SLC71A2: variants seen among roughly 807,000 people sequenced by gnomAD.
SLC71A2 encodes solute carrier family 71 member 2.
the SLC71A2 span, among the ~76,000 whole-genome samples, chr9:94,379,103 T>TTTTTTTTTTTTTC: frequency 7.0e-6 from 1 of 142,338 alleles, no homozygotes; most frequent in Non-Finnish European, 1.5e-5. Flanking sequence ...TTTTTTTTTT[T>TTTTTTTTTTTTTC]GAGACGGAGT....
At chr9:94,421,776 G>C in the SLC71A2 span, among the ~76,000 whole-genome samples, 6 of 152,120 alleles carry the variant, frequency 3.9e-5, no homozygotes, top group South Asian at 1.0e-3. Flanking sequence ...TTTCCTTCTC[G>C]TGAACTAGAG....
the SLC71A2 span, among the ~76,000 whole-genome samples, chr9:94,425,825 T>G: frequency 3.0e-4 from 45 of 152,076 alleles, no homozygotes; most frequent in African/African-American, 1.0e-3. Context: ...TAAACTAAGT[T>G]TCTCCCAAAG....
chr9:94,390,309 A>C, the SLC71A2 span, among the ~76,000 whole-genome samples: 1 of 150,038 alleles, frequency 6.7e-6, no homozygotes, highest in African/African-American at 2.5e-5. Context: ...CTAACCCTGT[A>C]ACCAGGATCC....
chr9:94,382,647 G>C, the SLC71A2 span, among the ~76,000 whole-genome samples: 5 of 151,816 alleles, frequency 3.3e-5, no homozygotes, highest in African/African-American at 7.3e-5. Flanking sequence ...CAAATCATAG[G>C]AATTTCCTTC....
chr9:94,397,290 A>G, the SLC71A2 span, among the ~76,000 whole-genome samples: 1 of 152,198 alleles, frequency 6.6e-6, no homozygotes, highest in Non-Finnish European at 1.5e-5. Flanking sequence ...GTCAAAATTA[A>G]TGAGCCAGTG....
the SLC71A2 span, among the ~76,000 whole-genome samples, chr9:94,405,040 C>T: frequency 6.6e-6 from 1 of 152,058 alleles, no homozygotes; most frequent in Admixed American, 6.6e-5. Flanking sequence ...AGCGATCCAA[C>T]TTCATTCTTT....
chr9:94,432,278 A>G, the SLC71A2 span, among the ~76,000 whole-genome samples: 6 of 152,120 alleles, frequency 3.9e-5, no homozygotes, highest in South Asian at 1.2e-3. Flanking sequence ...AGGTGGGCTG[A>G]TCACCTGAGG....
the SLC71A2 span, among the ~76,000 whole-genome samples, chr9:94,447,722 C>T: frequency 2.6e-5 from 4 of 152,110 alleles, no homozygotes; most frequent in Non-Finnish European, 5.9e-5. Flanking sequence ...TAGTGTTGTA[C>T]ATTCTATGGG....
the SLC71A2 span, among the ~76,000 whole-genome samples, chr9:94,434,445 T>G: frequency 6.6e-6 from 1 of 152,162 alleles, no homozygotes; most frequent in Non-Finnish European, 1.5e-5. Flanking sequence ...GACTCCCAAG[T>G]AGCTGAGATT....
At chr9:94,433,983 G>C in the SLC71A2 span, among the ~76,000 whole-genome samples, 6 of 152,022 alleles carry the variant, frequency 3.9e-5, no homozygotes, top group Non-Finnish European at 8.8e-5. Context: ...AATGTATTGT[G>C]TTGCCACATA....
the SLC71A2 span, among the ~76,000 whole-genome samples, chr9:94,386,144 G>A: frequency 6.6e-6 from 1 of 152,146 alleles, no homozygotes; most frequent in Non-Finnish European, 1.5e-5. Flanking sequence ...GTAACGATTT[G>A]TAGTTTTCAG....
chr9:94,431,312 C>CAA, the SLC71A2 span, among the ~76,000 whole-genome samples: 6 of 101,274 alleles, frequency 5.9e-5, no homozygotes, highest in African/African-American at 8.8e-5. Flanking sequence ...GACTCCGTCT[C>CAA]AAAAAAAAAA....
the SLC71A2 span, among the ~76,000 whole-genome samples, chr9:94,387,200 A>G: frequency 6.6e-6 from 1 of 152,108 alleles, no homozygotes; most frequent in Non-Finnish European, 1.5e-5. Context: ...TGTATGATGT[A>G]AAAAAGTTTT....
At chr9:94,397,487 G>GA in the SLC71A2 span, among the ~76,000 whole-genome samples, 14 of 146,008 alleles carry the variant, frequency 9.6e-5, no homozygotes, top group Non-Finnish European at 1.5e-4. Context: ...AGAGTGTTTG[G>GA]AAAAAAAAAA....
At chr9:94,426,961 C>T in the SLC71A2 span, among the ~76,000 whole-genome samples, 1 of 152,166 alleles carries the variant, frequency 6.6e-6, no homozygotes, top group African/African-American at 2.4e-5. Flanking sequence ...TCAGCTTCCT[C>T]AGTAGCTAGG....
chr9:94,448,481 A>G, the SLC71A2 span, among the ~76,000 whole-genome samples: 1 of 152,046 alleles, frequency 6.6e-6, no homozygotes, highest in Admixed American at 6.6e-5. Context: ...GCCTTTTCCT[A>G]ATGGTTTACT....
chr9:94,421,119 G>A, the SLC71A2 span, among the ~76,000 whole-genome samples: 1 of 109,848 alleles, frequency 9.1e-6, no homozygotes, highest in African/African-American at 3.6e-5. Context: ...AAAATTATAG[G>A]ATTTTGAGCT....
At chr9:94,459,511 G>A in the SLC71A2 span, 82 of 1,334,006 alleles carry the variant, frequency 6.1e-5, no homozygotes, top group Admixed American at 6.5e-5. Context: ...AGACGCTAGC[G>A]GCATCCTTCA....
At chr9:94,423,018 T>C in the SLC71A2 span, among the ~76,000 whole-genome samples, 146,249 of 147,266 alleles carry the variant, frequency 0.99, 72,627 homozygotes, top group Middle Eastern at 1. Flanking sequence ...TTCACTGCAA[T>C]GTCTGCCTCC....
Sources: allele counts gnomAD v4.1 joint callset (sites outside exome capture counted in the v4.1 genomes callset), GRCh38; gene constraint gnomAD v4.1.1; transcripts MANE v1.5; gene names NCBI Gene and HGNC (gene_info 2026-07-23, HGNC 2026-07-21).